Variants in DCC observed in about 807,000 individuals in gnomAD.
DCC encodes DCC netrin 1 receptor, also known as netrin receptor DCC.
Under a neutral mutation model 172.5 loss-of-function variants are expected in DCC, and 58 were observed. The observed-to-expected ratio is 0.34, with a 90% confidence interval of 0.27 to 0.42. The LOEUF (loss-of-function observed/expected upper bound fraction) is 0.42, where lower values mean the gene tolerates loss of function less well. DCC is among the 10% of genes least tolerant of loss of function. DCC has a pLI of 1.00. For synonymous variants in DCC, 709 were observed against 644.5 expected, an observed-to-expected ratio of 1.10 and a Z score of -1.52; for missense variants, 1,740 against 1,791.0, an observed-to-expected ratio of 0.97 and a Z score of 0.51.
chr18:53,512,983 A>G (rs554136479), intron 27 of DCC, among the ~76,000 whole-genome samples: 2 of 152,274 alleles, frequency 1.3e-5, no homozygotes, highest in South Asian at 4.1e-4. Flanking sequence ...ACTCCTCGAG[A>G]AGAGCAACTC....
chr18:52,525,284 T>C (rs1439323188), intron 1 of DCC, among the ~76,000 whole-genome samples: 2 of 152,170 alleles, frequency 1.3e-5, no homozygotes, highest in Non-Finnish European at 2.9e-5. Flanking sequence ...TTTACGTTTG[T>C]TAGTAAACCT....
intron 15 of DCC, among the ~76,000 whole-genome samples, chr18:53,341,609 T>C (rs570129252): frequency 2.6e-5 from 4 of 152,184 alleles, no homozygotes; most frequent in African/African-American, 4.8e-5. Flanking sequence ...TTGATACTCT[T>C]TTAACATAGT....
rs938078644 is a variant in DCC at position 52,632,951 on chromosome 18, T to A, written c.92-119103T>A. 1.5e-4 allele frequency among the ~76,000 whole-genome samples: 23 copies of A among 152,320 alleles called. No homozygotes were observed. In the East Asian group the frequency reaches 4.4e-3, roughly 29 times the overall value. On this transcript the variant is annotated intron_variant, in intron 1 of 28. Transcript: ENST00000442544. ...TGCAAACTGTGGAGTTTTCTTTATT[T>A]CTGACCAGGCTGTTCCCCAGGGATA... is the stretch of plus-strand genomic sequence containing the variant.
At chr18:53,421,742 A>C (rs1324417728) in intron 21 of DCC, among the ~76,000 whole-genome samples, 1 of 152,228 alleles carries the variant, frequency 6.6e-6, no homozygotes, top group African/African-American at 2.4e-5. Flanking sequence ...CTGTAAAATG[A>C]TAAGTTCAGA....
chr18:53,332,424 CAA>C (rs978576721), intron 14 of DCC, among the ~76,000 whole-genome samples: 4 of 151,802 alleles, frequency 2.6e-5, no homozygotes, highest in Admixed American at 2.6e-4. Flanking sequence ...GTGGTAGTAA[CAA>C]AATTTGTAGA....
At chr18:52,664,471 T>TTTC (rs1491447738) in intron 1 of DCC, among the ~76,000 whole-genome samples, 2 of 31,100 alleles carry the variant, frequency 6.4e-5, no homozygotes, top group African/African-American at 2.8e-4. Context: ...TTTCTTTTTC[T>TTTC]TTTTCTTTTT....
chr18:52,536,804 T>C (rs968107350), intron 1 of DCC, among the ~76,000 whole-genome samples: 2 of 152,206 alleles, frequency 1.3e-5, no homozygotes, highest in African/African-American at 4.8e-5. Flanking sequence ...AATATTTTTA[T>C]GCAAGAAGCT....
At chr18:52,902,554 C>A (rs550684421) in intron 2 of DCC, among the ~76,000 whole-genome samples, 1 of 152,114 alleles carries the variant, frequency 6.6e-6, no homozygotes, top group Non-Finnish European at 1.5e-5. Context: ...TGCATTAGAA[C>A]ATTAGATGAC....
At chr18:53,464,017 C>CA (rs2045589220) in intron 24 of DCC, among the ~76,000 whole-genome samples, 1 of 152,166 alleles carries the variant, frequency 6.6e-6, no homozygotes, top group Non-Finnish European at 1.5e-5. Flanking sequence ...TCTCTAACCA[C>CA]AAAAATAGAG....
At chr18:53,112,688 G>A (rs2043349869) in intron 7 of DCC, among the ~76,000 whole-genome samples, 1 of 151,446 alleles carries the variant, frequency 6.6e-6, no homozygotes. Context: ...AAAAGGATGG[G>A]AAGAAAATCT....
intron 1 of DCC, among the ~76,000 whole-genome samples, chr18:52,667,284 T>C (rs1023066227): frequency 6.6e-6 from 1 of 152,220 alleles, no homozygotes; most frequent in African/African-American, 2.4e-5. Flanking sequence ...AGATGATATA[T>C]GCCAGTGACA....
At chr18:53,177,307 G>A (rs2055117161) in intron 8 of DCC, among the ~76,000 whole-genome samples, 2 of 151,798 alleles carry the variant, frequency 1.3e-5, no homozygotes, top group African/African-American at 4.8e-5. Flanking sequence ...ATGTGCACAT[G>A]TACCCTAAAA....
chr18:52,850,366 T>G (rs1027651954), intron 2 of DCC, among the ~76,000 whole-genome samples: 1 of 152,188 alleles, frequency 6.6e-6, no homozygotes, highest in Non-Finnish European at 1.5e-5. Context: ...CAGAAATATA[T>G]GCATTGAAGT....
At chr18:52,766,221 C>T (rs896317734) in intron 2 of DCC, among the ~76,000 whole-genome samples, 3 of 152,202 alleles carry the variant, frequency 2.0e-5, no homozygotes, top group East Asian at 3.9e-4. Context: ...CACTTTTGGG[C>T]GCCAGCAGGA....
chr18:53,490,510 G>A (rs1386942794), intron 26 of DCC, among the ~76,000 whole-genome samples: 2 of 152,110 alleles, frequency 1.3e-5, no homozygotes, highest in African/African-American at 4.8e-5. Flanking sequence ...GCTGTGTAAT[G>A]GTATGCTATT....
intron 9 of DCC, among the ~76,000 whole-genome samples, chr18:53,185,017 G>C (rs914986376): frequency 6.6e-6 from 1 of 152,172 alleles, no homozygotes; most frequent in African/African-American, 2.4e-5. Flanking sequence ...TCAGTTGTCT[G>C]ATCCCGTACA....
At chr18:52,724,850 C>T (rs545779434) in intron 1 of DCC, among the ~76,000 whole-genome samples, 37 of 152,284 alleles carry the variant, frequency 2.4e-4, no homozygotes, top group African/African-American at 6.3e-4. Context: ...TTCCCCTAGA[C>T]GGAGTCTTGG....
intron 1 of DCC, among the ~76,000 whole-genome samples, chr18:52,418,183 C>T (rs184584287): frequency 6.0e-4 from 91 of 152,254 alleles, no homozygotes; most frequent in African/African-American, 1.7e-3. Context: ...CTAGAAATCA[C>T]AATTCTGCAA....
chr18:53,067,820 C>G (rs1438901893), intron 7 of DCC, among the ~76,000 whole-genome samples: 1 of 152,066 alleles, frequency 6.6e-6, no homozygotes, highest in Non-Finnish European at 1.5e-5. Context: ...TAATCTTTTC[C>G]TGAAGTAAGT....
Sources: allele counts gnomAD v4.1 joint callset (sites outside exome capture counted in the v4.1 genomes callset), GRCh38; gene constraint gnomAD v4.1.1; transcripts MANE v1.5; gene names NCBI Gene and HGNC (gene_info 2026-07-23, HGNC 2026-07-21).